Variants in SLC26A9 observed in about 807,000 individuals in gnomAD.
SLC26A9 encodes the protein solute carrier family 26 member 9.
A neutral mutation model predicts 87.1 loss-of-function variants in SLC26A9; 46 were observed. That is an observed-to-expected ratio of 0.53 (90% CI 0.42 to 0.67). The LOEUF (loss-of-function observed/expected upper bound fraction) is 0.67. Ranked by LOEUF, SLC26A9 falls within the 30% of genes least tolerant of loss-of-function variation. The pLI is 0.00. For synonymous variants in SLC26A9, 437 were observed against 409.1 expected, an observed-to-expected ratio of 1.07 and a Z score of -0.82; for missense variants, 927 against 1,018.3, an observed-to-expected ratio of 0.91 and a Z score of 1.22.
intron 17 of SLC26A9, among the ~76,000 whole-genome samples, 196 bp from the exon 18 acceptor site, chr1:205,920,426 T>G (rs549354241): frequency 1.2e-4 from 18 of 152,198 alleles, no homozygotes; most frequent in African/African-American, 4.3e-4. Flanking sequence ...CTCTGGGAAG[T>G]GGAGCGGAAA....
chr1:205,926,569 G>T lies in SLC26A9; in HGVS notation c.1355C>A (p.Pro452His). 6.2e-7 allele frequency: 1 copy of T among 1,614,134 alleles called. No homozygotes were observed. Among genetic ancestry groups the T allele is most frequent in the Non-Finnish European group, 8.5e-7 (1 of 1,180,008 alleles). The change falls in exon 12 of 21, where the codon CCC (proline) becomes CAC (histidine). Residue 452 changes from proline (P) to histidine (H), a missense_variant. Transcript: ENST00000367135. ...LKNSLKQLTD[P>H]YYLWRKSKLD... The stretch of plus-strand genomic sequence containing the variant: ...CTTGCTCTTCCTCCACAGGTAGTAG[G>T]GGTCGGTGAGTTGCTTGAGGGAGTT...
chr1:205,942,774 C>T (rs552078603), intron 1 of SLC26A9, among the ~76,000 whole-genome samples: 2 of 152,340 alleles, frequency 1.3e-5, no homozygotes, highest in South Asian at 2.1e-4. Context: ...CTTGCTCACC[C>T]TCTCCCACTC....
chr1:205,920,223 G>A lies in SLC26A9; in HGVS notation c.2063C>T (p.Ser688Phe), dbSNP rs753463159. 10 of 1,613,994 alleles carry A rather than the reference G, an allele frequency of 6.2e-6. No homozygotes were observed. The highest frequency in any genetic ancestry group is 7.6e-6 in the Non-Finnish European group (9 of 1,179,888). ...CTTCACGCCGATCTTCCCATAGGTG[G>A]AGCTCAGCTAGAAGTGTTGTTGGGG... ...MGIKALAKLSSTYGKIGVKVF... is the reference protein window; with the variant it reads ...MGIKALAKLSFTYGKIGVKVF... Residue 688 changes from serine to phenylalanine, a missense_variant, in exon 18 of 21, where the codon TCC becomes TTC. Physicochemically the swap from Ser to Phe is radical, Grantham distance 155. Coordinates refer to ENST00000367135, the MANE Select transcript of SLC26A9 (RefSeq NM_052934.4).
At chr1:205,930,535 C>T (rs1256437390) in intron 5 of SLC26A9, among the ~76,000 whole-genome samples, 1 of 152,156 alleles carries the variant, frequency 6.6e-6, no homozygotes, top group African/African-American at 2.4e-5. Flanking sequence ...CAACAGGTCC[C>T]CTGCCTTGAT....
chr1:205,915,517 CCTGTGT>C (rs747077056), intron 20 of SLC26A9, 113 bp from the exon 21 acceptor site: 43 of 1,159,064 alleles, frequency 3.7e-5, no homozygotes, highest in Middle Eastern at 2.4e-4. Flanking sequence ...GAACAAAGCA[CCTGTGT>C]GTGTGTGTGT....
chr1:205,940,046 G>T (rs1421968110), intron 1 of SLC26A9, among the ~76,000 whole-genome samples: 1 of 152,082 alleles, frequency 6.6e-6, no homozygotes, highest in Non-Finnish European at 1.5e-5. Flanking sequence ...AGGGGGGCAG[G>T]TCCTAAAGAG....
At chr1:205,933,252 C>G (rs1375577280) in intron 2 of SLC26A9, among the ~76,000 whole-genome samples, 168 bp from the exon 3 acceptor site, 1 of 152,202 alleles carries the variant, frequency 6.6e-6, no homozygotes, top group African/African-American at 2.4e-5. Context: ...TTCTTGAGAG[C>G]TCATCAACTT....
intron 4 of SLC26A9, 99 bp from the exon 5 acceptor site, chr1:205,932,134 G>C: frequency 7.1e-7 from 1 of 1,402,264 alleles, no homozygotes; most frequent in Non-Finnish European, 9.8e-7. Context: ...CAGGGGGATG[G>C]ATCCCTGCAC....
Position 205,921,863 on chromosome 1 carries a change from C to G in SLC26A9, c.1774-16G>C. ...GGGAGACAGTCTGGAAGGGTGGGGA[C>G]AGTGGGCAGAGTCAGGGACCACCAG... is the stretch of plus-strand genomic sequence containing the variant. On this transcript the variant is annotated splice_polypyrimidine_tract_variant and intron_variant, in intron 16 of 20. Transcript: ENST00000367135. 2 of 1,598,566 alleles carry G rather than the reference C, an allele frequency of 1.3e-6. No homozygotes were observed. The highest frequency in any genetic ancestry group is 1.7e-6 in the Non-Finnish European group (2 of 1,174,448).
At chr1:205,922,504 G>A (rs1297712413) in intron 16 of SLC26A9, among the ~76,000 whole-genome samples, 1 of 152,204 alleles carries the variant, frequency 6.6e-6, no homozygotes, top group Non-Finnish European at 1.5e-5. Context: ...CCCCCTCTGG[G>A]TTGTTCAAAA....
At position 205,923,131 on chromosome 1, in the gene SLC26A9, C is replaced by T. The variant is rs139697920; in HGVS notation, c.1724G>A (p.Arg575Gln). 4.9e-4 allele frequency: 793 copies of T among 1,614,092 alleles called. No individual in the cohort carries two copies. The highest frequency in any genetic ancestry group is 2.8e-3 in the Middle Eastern group (17 of 6,060). ...KQKYLKKQEK[R>Q]RMRPTQQRRS... is the part of the protein sequence containing the mutation. ...CCTCTGTTGTGTGGGCCTCATTCTC[C>T]GCTTCTCCTGCTTCTTGAGGTATTT... The change falls in exon 16 of 21, where the codon CGG becomes CAG. Residue 575 changes from arginine (R) to glutamine (Q), a missense_variant. Arg to Gln is a conservative substitution (Grantham distance 43, BLOSUM62 1). Coordinates refer to ENST00000367135, the MANE Select transcript of SLC26A9 (RefSeq NM_052934.4).
rs1164213420 is a variant in SLC26A9 at position 205,918,991 on chromosome 1, A to G, written c.2111-6T>C. ...AATGTCATTGTACACCTGGGCTAGA[A>G]GGAGAAAAGATCACCTTCAGAAAGA... On this transcript the variant is annotated splice_region_variant and splice_polypyrimidine_tract_variant and intron_variant, in intron 18 of 20. Transcript: ENST00000367135. 2.5e-6 allele frequency: 4 copies of G among 1,613,714 alleles called. No individual in the cohort carries two copies. The highest frequency in any genetic ancestry group is 3.4e-6 in the Non-Finnish European group (4 of 1,179,696).
At chr1:205,920,402 T>C (rs190680283) in intron 17 of SLC26A9, among the ~76,000 whole-genome samples, 172 bp from the exon 18 acceptor site, 121 of 152,334 alleles carry the variant, frequency 7.9e-4, no homozygotes, top group African/African-American at 2.7e-3. Flanking sequence ...CCCTGGAGTG[T>C]TGGCTGACGG....
At chr1:205,919,764 T>C (rs928675426) in intron 18 of SLC26A9, among the ~76,000 whole-genome samples, 4 of 152,234 alleles carry the variant, frequency 2.6e-5, no homozygotes, top group Non-Finnish European at 4.4e-5. Context: ...TAGGGTACCG[T>C]GTGCTCTATG....
chr1:205,926,457 G>T, intron 12 of SLC26A9, 78 bp downstream of exon 12: 1 of 1,218,616 alleles, frequency 8.2e-7, no homozygotes, highest in Non-Finnish European at 1.2e-6. Context: ...TTCATTGTTA[G>T]GACAGGGCTG....
chr1:205,920,676 T>A (rs1658790724), intron 17 of SLC26A9, among the ~76,000 whole-genome samples: 1 of 152,164 alleles, frequency 6.6e-6, no homozygotes, highest in South Asian at 2.1e-4. Context: ...ATTTTTGTAT[T>A]TTTAGTAGAG....
At position 205,933,001 on chromosome 1, in the gene SLC26A9, T is replaced by C; in HGVS notation, c.209A>G (p.Tyr70Cys). 1 of 1,614,092 alleles carries C rather than the reference T, an allele frequency of 6.2e-7. No homozygotes were observed. Among genetic ancestry groups the C allele is most frequent in the Non-Finnish European group, 8.5e-7 (1 of 1,180,012 alleles). The change falls in exon 3 of 21, where the codon TAC becomes TGC. Residue 70 changes from tyrosine to cysteine, a missense_variant. Physicochemically the swap from Tyr to Cys is radical, Grantham distance 194. Coordinates refer to ENST00000367135, the MANE Select transcript of SLC26A9 (RefSeq NM_052934.4). ...TCCACCGAGCAGGTCAGGAATGATG[T>C]AGTCTTTAATCTTGTACTTGGGGAG... Reference protein sequence around the residue: ...SWLPKYKIKDYIIPDLLGGLS... With the variant: ...SWLPKYKIKDCIIPDLLGGLS...
At chr1:205,927,774 AC>A in intron 9 of SLC26A9, 127 bp downstream of exon 9, 2 of 1,485,616 alleles carry the variant, frequency 1.3e-6, no homozygotes, top group Non-Finnish European at 9.1e-7. Context: ...GGGTCAGAGG[AC>A]CCCCTATCCC....
At chr1:205,934,049 GC>G (rs1659414229) in intron 2 of SLC26A9, among the ~76,000 whole-genome samples, 1 of 152,164 alleles carries the variant, frequency 6.6e-6, no homozygotes, top group Non-Finnish European at 1.5e-5. Flanking sequence ...CTCTGATGAG[GC>G]TTCCTTTCCT....
Sources: allele counts gnomAD v4.1 joint callset (sites outside exome capture counted in the v4.1 genomes callset), GRCh38; gene constraint gnomAD v4.1.1; transcripts MANE v1.5; gene names NCBI Gene and HGNC (gene_info 2026-07-23, HGNC 2026-07-21).